The following LITAF variants were observed in gnomAD, a reference collection of about 807,000 sequenced individuals.
LITAF encodes lipopolysaccharide induced TNF factor, also known as lipopolysaccharide-induced tumor necrosis factor-alpha factor.
Under a neutral mutation model 14.5 loss-of-function variants are expected in LITAF, and 9 were observed. The observed-to-expected ratio is 0.62, with a 90% CI of 0.37 to 1.08. The LOEUF (loss-of-function observed/expected upper bound fraction) is 1.08, where lower values mean the gene tolerates loss of function less well. LITAF is among the 50% of genes least tolerant of loss of function. The probability of loss-of-function intolerance (pLI) is 0.01; values close to 1 mark genes in which losing one functional copy is unlikely to be tolerated. For missense variants in LITAF, 206 were observed against 213.4 expected (o/e 0.97, Z 0.22); for synonymous variants, 98 against 88.2 (o/e 1.11, Z -0.62).
rs1423151362 is a variant in LITAF at position 11,549,914 on chromosome 16, A to G, written c.378-169T>C. ...TATCCAGGCGGACCCCTAAAACCCA[A>G]TGACCTTAGAAGAAGAGGAGAGGAC... On this transcript the variant is annotated intron_variant, in intron 3 of 3. Coordinates refer to ENST00000622633, the MANE Select transcript of LITAF (RefSeq NM_001136472.2). This position sits in a 1 kb window ranked among gnomAD's most constrained non-coding sequence, Gnocchi z 4.6. The G allele has an allele frequency of 7.9e-6, 5 of 634,402 alleles. No individual in the cohort carries two copies. Among genetic ancestry groups the G allele is most frequent in the Non-Finnish European group, 1.5e-5 (5 of 342,770 alleles). The allele number at this position is 634,402 out of a possible 1,614,324, so 39.3% of individuals were successfully genotyped here. A position where few individuals can be genotyped will look rare whatever the true frequency, so the allele number is the denominator to read the frequency against.
At chr16:11,631,082 G>A (rs532057858) in intron 3 of LITAF, among the ~76,000 whole-genome samples, 253 of 152,292 alleles carry the variant, frequency 1.7e-3, no homozygotes, top group African/African-American at 5.4e-3. Context: ...TGCCCATAGC[G>A]TGTGGTGGAC....
chr16:11,608,552 C>A (rs1326508127), intron 3 of LITAF, among the ~76,000 whole-genome samples: 1 of 152,198 alleles, frequency 6.6e-6, no homozygotes, highest in Non-Finnish European at 1.5e-5. Flanking sequence ...GAACAAAATC[C>A]GGTCTATCCA....
chr16:11,570,340 T>G (rs1205301207), intron 1 of LITAF, among the ~76,000 whole-genome samples: 2 of 151,456 alleles, frequency 1.3e-5, no homozygotes, highest in Admixed American at 6.6e-5. Flanking sequence ...AGGGAGGGGG[T>G]GACTTTCCCA....
upstream of LITAF, among the ~76,000 whole-genome samples, chr16:11,639,768 G>A (rs996271842): frequency 7.9e-5 from 12 of 152,150 alleles, no homozygotes; most frequent in African/African-American, 2.9e-4. Context: ...GCCGAGGAGG[G>A]CGGATCACTT....
At chr16:11,583,436 AAGG>A (rs2064768284) in intron 1 of LITAF, among the ~76,000 whole-genome samples, 1 of 152,186 alleles carries the variant, frequency 6.6e-6, no homozygotes, top group South Asian at 2.1e-4. Flanking sequence ...CAAACAGTGC[AAGG>A]AGATCATTAA....
At chr16:11,602,960 A>G (rs1183090321), upstream of LITAF, among the ~76,000 whole-genome samples, 1 of 151,990 alleles carries the variant, frequency 6.6e-6, no homozygotes, top group East Asian at 1.9e-4. Flanking sequence ...AAAAATAACA[A>G]AAAATTAGCA....
rs1217972977 is a variant in LITAF at position 11,547,990 on chromosome 16, T to C, written c.*1647A>G. ...CCTTTCTTCACACCAAAAGAACTCATAAATAGTTCACCGGGTGAACCAAAG... is the reference window on the plus strand; with the variant it reads ...CCTTTCTTCACACCAAAAGAACTCACAAATAGTTCACCGGGTGAACCAAAG... On this transcript the variant is annotated 3_prime_UTR_variant, in exon 4 of 4. Transcript: ENST00000622633. 2.2e-6 allele frequency: 1 copy of C among 454,100 alleles called. No individual in the cohort carries two copies. Among genetic ancestry groups the C allele is most frequent in the Admixed American group, 2.3e-5 (1 of 42,572 alleles). The allele number at this position is 454,100 out of a possible 1,614,324, so 28.1% of individuals were successfully genotyped here.
rs372529781 is a variant in LITAF at position 11,626,507 on chromosome 16, T to A, written c.85+7026A>T. ...TACAGGCAGGCATCACCATGCCTGG[T>A]TAATTTTTGTATTTGTAGAGACCAA... On this transcript the variant is annotated intron_variant, in intron 3 of 3. Coordinates refer to the LITAF transcript ENST00000574848. Among the ~76,000 whole-genome samples, 25 of 152,050 alleles carry A rather than the reference T, an allele frequency of 1.6e-4. No individual in the cohort carries two copies. In the Middle Eastern group the frequency reaches 0.014, roughly 83 times the overall value.
intron 3 of LITAF, among the ~76,000 whole-genome samples, chr16:11,630,874 G>T (rs2065114544): frequency 6.6e-6 from 1 of 152,118 alleles, no homozygotes; most frequent in African/African-American, 2.4e-5. Flanking sequence ...TAAGATCACA[G>T]GCATGGGCCA....
At position 11,552,674 on chromosome 16, in the gene LITAF, C is replaced by T. The variant is rs1004064411; in HGVS notation, c.377+859G>A. Among the ~76,000 whole-genome samples the T allele has an allele frequency of 4.6e-5, 7 of 152,200 alleles. No homozygotes were observed. The East Asian group carries it at 7.7e-4, about 17-fold the overall frequency. On this transcript the variant is annotated intron_variant, in intron 3 of 3. Coordinates refer to ENST00000622633, the MANE Select transcript of LITAF (RefSeq NM_001136472.2). Reference sequence around the variant, plus strand: ...GAAGACCAATTTCTGGGGACGGATACGCTTAAGAGCAGCAGGGATGACTTG... The same window carrying T: ...GAAGACCAATTTCTGGGGACGGATATGCTTAAGAGCAGCAGGGATGACTTG...
At chr16:11,556,342 C>T (rs62022852) in intron 2 of LITAF, 169 bp downstream of exon 2, 4 of 621,296 alleles carry the variant, frequency 6.4e-6, no homozygotes, top group African/African-American at 5.5e-5. Flanking sequence ...GTGAGCCTCA[C>T]CAACATGGAA....
upstream of LITAF, chr16:11,587,362 C>A (rs776640415): frequency 2.1e-4 from 97 of 452,900 alleles, no homozygotes; most frequent in African/African-American, 1.8e-3. Flanking sequence ...CGCGCTGGGG[C>A]GCTCCCGGCC....
At chr16:11,563,144 T>G (rs2141750739) in intron 1 of LITAF, among the ~76,000 whole-genome samples, 1 of 134,210 alleles carries the variant, frequency 7.5e-6, no homozygotes, top group Non-Finnish European at 1.6e-5. Context: ...AAAAAAATTA[T>G]AATAATAATA....
chr16:11,638,010 A>C (rs1211615388), upstream of LITAF, among the ~76,000 whole-genome samples: 6 of 113,850 alleles, frequency 5.3e-5, no homozygotes, highest in African/African-American at 1.9e-4. Context: ...ATATCTATAT[A>C]TATCTATATA....
At position 11,632,742 on chromosome 16, in the gene LITAF, A is replaced by G. The variant is rs1159663240; in HGVS notation, c.85+791T>C. On this transcript the variant is annotated intron_variant, in intron 3 of 3. Transcript: ENST00000574848. This position sits in a 1 kb window ranked among gnomAD's most constrained non-coding sequence, Gnocchi z 4.8. ...CACTGGCTCTGCTGGCTCTGAGCGC[A>G]GAGTCCAGCCCCCATGCACATGACT... Among the ~76,000 whole-genome samples, 2 of 152,292 alleles carry G rather than the reference A, an allele frequency of 1.3e-5. No homozygotes were observed. Among genetic ancestry groups the G allele is most frequent in the Non-Finnish European group, 2.9e-5 (2 of 68,004 alleles).
intron 1 of LITAF, among the ~76,000 whole-genome samples, chr16:11,593,955 T>C (rs1283423295): frequency 6.6e-6 from 1 of 151,682 alleles, no homozygotes; most frequent in East Asian, 1.9e-4. Flanking sequence ...GGCAGGCGAG[T>C]TGCTTGAGGT....
intron 3 of LITAF, among the ~76,000 whole-genome samples, chr16:11,614,064 G>T (rs2065001406): frequency 6.6e-6 from 1 of 152,114 alleles, no homozygotes; most frequent in South Asian, 2.1e-4. Context: ...TACAGACGGG[G>T]CAGCTGAGGC....
chr16:11,621,250 G>A (rs1350231215), intron 3 of LITAF, among the ~76,000 whole-genome samples: 1 of 152,112 alleles, frequency 6.6e-6, no homozygotes, highest in East Asian at 1.9e-4. Flanking sequence ...TTTTAGTAGG[G>A]ACAGGATTTC....
At chr16:11,573,359 AG>A (rs1250046958) in intron 1 of LITAF, among the ~76,000 whole-genome samples, 1 of 152,198 alleles carries the variant, frequency 6.6e-6, no homozygotes, top group African/African-American at 2.4e-5. Flanking sequence ...CGATAAACTG[AG>A]GCTCCTGCAA....
Sources: allele counts gnomAD v4.1 joint callset (sites outside exome capture counted in the v4.1 genomes callset), GRCh38; gene constraint gnomAD v4.1.1; non-coding constraint Gnocchi (gnomAD v3.1); transcripts MANE v1.5; gene names NCBI Gene and HGNC (gene_info 2026-07-23, HGNC 2026-07-21).